Variants in DSCAML1 observed in about 807,000 individuals in gnomAD.
The protein encoded by DSCAML1 is DS cell adhesion molecule like 1, also known as cell adhesion molecule DSCAML1.
In DSCAML1, 38 loss-of-function variants were observed where a neutral mutation model predicts 200.5. The observed-to-expected ratio is 0.19, with a 90% CI of 0.15 to 0.25. The LOEUF is 0.25. Among genes scored for constraint, DSCAML1 ranks in the 10% least tolerant of loss-of-function variants. The probability of loss-of-function intolerance (pLI) is 1.00; values close to 1 mark genes in which losing one functional copy is unlikely to be tolerated. For synonymous variants in DSCAML1, 1,215 were observed against 1,165.0 expected (o/e 1.04, Z -0.87); for missense variants, 2,223 against 2,858.8 (o/e 0.78, Z 5.07).
rs553035239 is a variant in DSCAML1, at chr11:117,498,157, C to T, written c.2359+5688G>A. 2.0e-4 allele frequency among the ~76,000 whole-genome samples: 30 copies of T among 152,294 alleles called. No individual in the cohort carries two copies. The highest frequency in any genetic ancestry group is 6.3e-4 in the African/African-American group (26 of 41,556). ...GCCCCCAAGGAGCTTCAGTCTGTGACGAGATAGGACCCACCACCGGGGAAC... is the reference window on the plus strand; with the variant it reads ...GCCCCCAAGGAGCTTCAGTCTGTGATGAGATAGGACCCACCACCGGGGAAC... On this transcript the variant is annotated intron_variant, in intron 11 of 32. Transcript: ENST00000651296. The surrounding 1 kb of genome is among the most constrained non-coding windows in gnomAD (Gnocchi z 4.0).
rs147519443 is a variant in DSCAML1 at position 117,458,879 on chromosome 11, G to T, written c.3443C>A (p.Thr1148Lys). 1 of 1,613,978 alleles carries T rather than the reference G, an allele frequency of 6.2e-7. No individual in the cohort carries two copies. The highest frequency in any genetic ancestry group is 1.1e-5 in the South Asian group (1 of 91,086). ...EWGEMQNITT[T>K]RERVELRGME... ...GCCCCGCAGCTCCACCCGCTCCCGC[G>T]TGGTGGTGATGTTCTGCATCTCGCC... is the stretch of plus-strand genomic sequence containing the variant. The change falls in exon 19 of 33, where the codon ACG becomes AAG. Residue 1148 changes from threonine to lysine, a missense_variant. Physicochemically the swap from Thr to Lys is moderately conservative, Grantham distance 78. Coordinates refer to ENST00000651296, the MANE Select transcript of DSCAML1 (RefSeq NM_020693.4).
chr11:117,481,145 G>C, intron 13 of DSCAML1, 29 bp downstream of exon 13: 1 of 1,606,636 alleles, frequency 6.2e-7, no homozygotes, highest in African/African-American at 1.3e-5. Flanking sequence ...GGGGAGGTGG[G>C]ATGGGAAGGG....
rs373600921 is a variant in DSCAML1, at chr11:117,524,837, G to A, written c.905C>T (p.Ser302Leu). Residue 302 changes from serine (S) to leucine (L), a missense_variant, in exon 5 of 33, where the codon TCG (serine) becomes TTG (leucine). Physicochemically the swap from Ser to Leu is moderately radical, Grantham distance 145. Transcript: ENST00000651296. ...CATGAGGATGCCTGTGGCCTCTGCC[G>A]AACCGAAGGTGTTGGTGACCTCACA... ...YICEVTNTFG[S>L]AEATGILMVI... 18 of 1,591,434 alleles carry A rather than the reference G, an allele frequency of 1.1e-5. No homozygotes were observed. The East Asian group carries it at 1.8e-4, about 16-fold the overall frequency.
In DSCAML1 at chr11:117,486,329, G is replaced by A. The variant is rs1212110965; in HGVS notation, c.2360-4167C>T. 4.0e-5 allele frequency among the ~76,000 whole-genome samples: 6 copies of A among 151,722 alleles called. 1 individual carries two copies. Among genetic ancestry groups the A allele is most frequent in the African/African-American group, 1.5e-4 (6 of 41,238 alleles). The stretch of plus-strand genomic sequence containing the variant: ...AGTAGTGGATGTGAAAGTAGCGGAT[G>A]TGAAAATGGCGGATGTGATAATGGC... On this transcript the variant is annotated intron_variant, in intron 11 of 32. Transcript: ENST00000651296.
chr11:117,441,201 A>G (rs2048039211), intron 21 of DSCAML1, among the ~76,000 whole-genome samples: 1 of 152,154 alleles, frequency 6.6e-6, no homozygotes, highest in South Asian at 2.1e-4. Flanking sequence ...AAGGTGAGTG[A>G]TGGCACCCTC....
At position 117,640,323 on chromosome 11, in the gene DSCAML1, G is replaced by A. The variant is rs867073821; in HGVS notation, c.512-107801C>T. 2.0e-5 allele frequency among the ~76,000 whole-genome samples: 3 copies of A among 152,298 alleles called. No individual in the cohort carries two copies. In the South Asian group the frequency reaches 6.2e-4, roughly 32 times the overall value. On this transcript the variant is annotated intron_variant, in intron 3 of 32. Coordinates refer to ENST00000651296, the MANE Select transcript of DSCAML1 (RefSeq NM_020693.4). ...TCTGTGGTAATCCTCATGACGTGCT[G>A]GGAGAACCCTGACACCCTGACCTAT...
chr11:117,705,798 G>A (rs1462361254), intron 3 of DSCAML1, among the ~76,000 whole-genome samples: 6 of 152,222 alleles, frequency 3.9e-5, no homozygotes, highest in African/African-American at 7.2e-5. Flanking sequence ...CCATAGTGGG[G>A]AAGGCCAGAA....
chr11:117,442,223 AG>A (rs2048073204), intron 21 of DSCAML1, among the ~76,000 whole-genome samples: 1 of 148,692 alleles, frequency 6.7e-6, no homozygotes, highest in African/African-American at 2.5e-5. Context: ...TAGTGTGTCT[AG>A]TGTGTGTGTG....
rs1315209082 is a variant in DSCAML1 at position 117,552,963 on chromosome 11, G to A, written c.512-20441C>T. On this transcript the variant is annotated intron_variant, in intron 3 of 32. Coordinates refer to ENST00000651296, the MANE Select transcript of DSCAML1 (RefSeq NM_020693.4). Reference sequence around the variant, plus strand: ...GGAAGTGCGTGGTTGGGAAGACACTGCTTGCTGTCTATACAATATCTATTT... The same window carrying A: ...GGAAGTGCGTGGTTGGGAAGACACTACTTGCTGTCTATACAATATCTATTT... Among the ~76,000 whole-genome samples the A allele has an allele frequency of 2.0e-5, 3 of 152,202 alleles. No individual in the cohort carries two copies. The East Asian group carries it at 5.8e-4, about 29-fold the overall frequency.
intron 3 of DSCAML1, among the ~76,000 whole-genome samples, chr11:117,724,314 G>T (rs912220505): frequency 6.6e-6 from 1 of 152,184 alleles, no homozygotes. Context: ...AGGCAGCACC[G>T]CCAGGCACCA....
Position 117,505,139 on chromosome 11 carries a change from G to A in DSCAML1, c.2063-96C>T, listed in dbSNP as rs535294271. On this transcript the variant is annotated intron_variant, in intron 9 of 32. Transcript: ENST00000651296. The surrounding 1 kb of genome is among the most constrained non-coding windows in gnomAD (Gnocchi z 6.7). ...CTTCTGTTTGAGGTCAGCCCTGCCCGGGCCATTATAAAGTTGGAAGCGGGC... is the reference window on the plus strand; with the variant it reads ...CTTCTGTTTGAGGTCAGCCCTGCCCAGGCCATTATAAAGTTGGAAGCGGGC... 1.9e-5 allele frequency: 29 copies of A among 1,508,754 alleles called. No individual in the cohort carries two copies. Among genetic ancestry groups the A allele is most frequent in the South Asian group, 6.6e-5 (5 of 75,448 alleles). 93.5% of individuals were successfully genotyped at this position (1,508,754 alleles called of 1,614,324 possible).
chr11:117,640,204 G>C (rs1591352464), intron 3 of DSCAML1, among the ~76,000 whole-genome samples: 1 of 152,254 alleles, frequency 6.6e-6, no homozygotes, highest in Middle Eastern at 3.4e-3. Context: ...CATCCCACTT[G>C]CCACTCCCAC....
chr11:117,528,445 GACTGGGTGCTCCTAGC>G (rs2050018295), intron 4 of DSCAML1, among the ~76,000 whole-genome samples: 4 of 152,338 alleles, frequency 2.6e-5, no homozygotes, highest in South Asian at 2.1e-4. Context: ...AGCCCGGGGG[GACTGGGTGCTCCTAGC>G]ACTGAAGCAG....
At chr11:117,626,207 C>T (rs951732183) in intron 3 of DSCAML1, among the ~76,000 whole-genome samples, 1 of 135,734 alleles carries the variant, frequency 7.4e-6, no homozygotes, top group East Asian at 2.2e-4. Flanking sequence ...AGACCCCCCC[C>T]CCTCCTTCTT....
intron 3 of DSCAML1, among the ~76,000 whole-genome samples, chr11:117,759,037 C>G (rs1255979026): frequency 6.6e-6 from 1 of 152,176 alleles, no homozygotes; most frequent in Admixed American, 6.5e-5. Context: ...ATTCTGTCCT[C>G]TTTGTAAACT....
chr11:117,464,908 A>G (rs556173907), intron 17 of DSCAML1, 34 bp downstream of exon 17: 1 of 1,605,170 alleles, frequency 6.2e-7, no homozygotes, highest in Admixed American at 1.7e-5. Context: ...CATGGCAGGA[A>G]TCTGTGCCCA....
intron 3 of DSCAML1, among the ~76,000 whole-genome samples, chr11:117,753,108 CCT>C (rs2054629606): frequency 6.6e-6 from 1 of 152,174 alleles, no homozygotes; most frequent in African/African-American, 2.4e-5. Context: ...GACAATGTAA[CCT>C]CTCTAAGCCT....
At chr11:117,776,743 C>T in intron 3 of DSCAML1, 48 bp downstream of exon 3, 1 of 1,608,904 alleles carries the variant, frequency 6.2e-7, no homozygotes, top group Non-Finnish European at 8.5e-7. Flanking sequence ...TATCCAGTCC[C>T]CACAGAGGGA....
intron 24 of DSCAML1, 28 bp from the exon 25 acceptor site, chr11:117,438,111 G>GGGGCAGGGCA: frequency 6.3e-7 from 1 of 1,582,070 alleles, no homozygotes; most frequent in East Asian, 2.3e-5. Flanking sequence ...GATTCAGGTG[G>GGGGCAGGGCA]GGGCAGGGCA....
Sources: gnomAD v4.1 joint callset for allele counts (sites outside exome capture counted in the v4.1 genomes callset) on GRCh38, gnomAD v4.1.1 for gene constraint, Gnocchi (gnomAD v3.1) non-coding constraint, MANE v1.5 for transcripts, NCBI Gene and HGNC (gene_info 2026-07-23, HGNC 2026-07-21) for gene names.